The following LAMB1 variants were observed in gnomAD, a reference collection of about 807,000 sequenced individuals.
The protein encoded by LAMB1 is laminin subunit beta-1.
LAMB1 carries 121 observed loss-of-function variants against 222.3 expected under a neutral mutation model. The ratio of observed to expected loss-of-function variants is 0.54; its 90% confidence interval spans 0.47 to 0.63. LAMB1 has a LOEUF of 0.63. LAMB1 is among the 30% of genes least tolerant of loss of function. The pLI is 0.00. For missense variants in LAMB1, 2,172 were observed against 2,240.8 expected (o/e 0.97, Z 0.62); for synonymous variants, 794 against 807.2 (o/e 0.98, Z 0.28).
rs20556 is a variant in LAMB1, at chr7:107,953,544, T to A, written c.3065A>T (p.Gln1022Leu). Residue 1022 changes from glutamine (Q) to leucine (L), a missense_variant, in exon 22 of 34, where the codon CAG (glutamine) becomes CTG (leucine). Gln to Leu is a moderately radical substitution (Grantham distance 113, BLOSUM62 -2). Transcript: ENST00000222399. ...GTGCATCTTACTTCGACAGTCCTGCTGGAGGGCATCACCATAGTATCCAAA... is the reference window on the plus strand; with the variant it reads ...GTGCATCTTACTTCGACAGTCCTGCAGGAGGGCATCACCATAGTATCCAAA... ...CRFGYYGDAL[Q>L]QDCRKCVCNY... is the part of the protein sequence containing the mutation. The A allele has an allele frequency of 1.9e-6, 3 of 1,613,306 alleles. No homozygotes were observed. In the East Asian group the frequency reaches 6.7e-5, roughly 36 times the overall value.
chr7:107,965,494 G>A lies in LAMB1; in HGVS notation c.1563-807C>T, dbSNP rs186778135. 1.4e-4 allele frequency among the ~76,000 whole-genome samples: 22 copies of A among 152,194 alleles called. 1 individual carries two copies. Among genetic ancestry groups the A allele is most frequent in the East Asian group, 1.2e-3 (6 of 5,158 alleles). Reference sequence around the variant, plus strand: ...CTTGGGAGGCTGAGGCACGAGAATCGCTTGAACCCGGGAGGCAGAGGTTGA... The same window carrying A: ...CTTGGGAGGCTGAGGCACGAGAATCACTTGAACCCGGGAGGCAGAGGTTGA... On this transcript the variant is annotated intron_variant, in intron 13 of 33. Coordinates refer to ENST00000222399, the MANE Select transcript of LAMB1 (RefSeq NM_002291.3).
chr7:107,955,407 T>C, intron 21 of LAMB1, 60 bp downstream of exon 21: 1 of 1,436,806 alleles, frequency 7.0e-7, no homozygotes, highest in Non-Finnish European at 9.4e-7. Flanking sequence ...TCATTAACAA[T>C]GAACTCATAA....
intron 11 of LAMB1, 40 bp from the exon 12 acceptor site, chr7:107,975,138 G>T (rs758771908): frequency 6.6e-7 from 1 of 1,526,174 alleles, no homozygotes; most frequent in Non-Finnish European, 9.1e-7. Context: ...CACAGACCAC[G>T]TGAGTTTCAA....
chr7:107,960,875 T>G (rs2150428165), intron 17 of LAMB1, among the ~76,000 whole-genome samples: 1 of 152,340 alleles, frequency 6.6e-6, no homozygotes, highest in Middle Eastern at 3.4e-3. Flanking sequence ...TATTTTTATT[T>G]TAGAGATGGG....
chr7:107,937,276 T>C lies in LAMB1; in HGVS notation c.3763A>G (p.Lys1255Glu). 1.2e-6 allele frequency: 2 copies of C among 1,611,670 alleles called. No individual in the cohort carries two copies. Among genetic ancestry groups the C allele is most frequent in the Non-Finnish European group, 1.7e-6 (2 of 1,178,786 alleles). Residue 1255 changes from lysine to glutamate, a missense_variant and splice_region_variant, in exon 26 of 34, where the codon AAA becomes GAA. By Grantham distance (56) the Lys-to-Glu change is moderately conservative. Coordinates refer to ENST00000222399, the MANE Select transcript of LAMB1 (RefSeq NM_002291.3). ...ATTTCTGTAACATCTTTAATCAGTT[T>C]CCTGTAAAGAGAAAGTTAAGCTTAC... Reference protein sequence around the residue: ...NIGNLFEEAEKLIKDVTEMMA... With the variant: ...NIGNLFEEAEELIKDVTEMMA...
chr7:107,935,792 G>A (rs895998442), intron 26 of LAMB1, 136 bp from the exon 27 acceptor site: 2 of 1,000,222 alleles, frequency 2.0e-6, no homozygotes, highest in Admixed American at 5.2e-5. Context: ...TATTTATGAA[G>A]TACAGTTTTC....
chr7:107,979,016 A>G (rs1157583205), intron 8 of LAMB1, among the ~76,000 whole-genome samples: 1 of 152,216 alleles, frequency 6.6e-6, no homozygotes, highest in Admixed American at 6.5e-5. Context: ...TTAGCAGAAG[A>G]CTAAAGTCCT....
intron 4 of LAMB1, among the ~76,000 whole-genome samples, chr7:107,996,698 A>G (rs573224952): frequency 3.3e-5 from 5 of 152,348 alleles, no homozygotes; most frequent in African/African-American, 1.2e-4. Context: ...CTTTTGTCCC[A>G]GAGATTCAAA....
intron 11 of LAMB1, 38 bp from the exon 12 acceptor site, chr7:107,975,136 A>G (rs2033825465): frequency 1.3e-6 from 2 of 1,526,762 alleles, no homozygotes; most frequent in Non-Finnish European, 1.8e-6. Context: ...AACACAGACC[A>G]CGTGAGTTTC....
At chr7:107,948,860 G>A (rs2033183188) in intron 24 of LAMB1, among the ~76,000 whole-genome samples, 1 of 152,060 alleles carries the variant, frequency 6.6e-6, no homozygotes, top group African/African-American at 2.4e-5. Flanking sequence ...AAAGCCATGT[G>A]ATCTTTGTAG....
At position 107,935,748 on chromosome 7, in the gene LAMB1, A is replaced by T. The variant is rs937545036; in HGVS notation, c.3947-92T>A. On this transcript the variant is annotated intron_variant, in intron 26 of 33. Transcript: ENST00000222399. Reference sequence around the variant, plus strand: ...CTATATTTGGTGTCTTCGGGTCCTAAATTTACTGTAAAGTTTTAAAATTCA... The same window carrying T: ...CTATATTTGGTGTCTTCGGGTCCTATATTTACTGTAAAGTTTTAAAATTCA... 2.2e-5 allele frequency: 29 copies of T among 1,341,384 alleles called. No individual in the cohort carries two copies. The African/African-American group carries it at 4.0e-4, about 18-fold the overall frequency. 83.1% of individuals were successfully genotyped at this position (1,341,384 alleles called of 1,614,324 possible).
At chr7:107,985,632 A>C (rs979816389) in intron 7 of LAMB1, among the ~76,000 whole-genome samples, 3 of 150,544 alleles carry the variant, frequency 2.0e-5, no homozygotes, top group Non-Finnish European at 3.0e-5. Context: ...TCCATCTCAA[A>C]AAAACAAAAC....
At position 107,962,987 on chromosome 7, in the gene LAMB1, G is replaced by A. The variant is rs753005293; in HGVS notation, c.1775C>T (p.Pro592Leu). The A allele has an allele frequency of 2.3e-5, 37 of 1,613,862 alleles. No homozygotes were observed. The highest frequency in any genetic ancestry group is 3.3e-5 in the South Asian group (3 of 91,080). Residue 592 changes from proline (P) to leucine (L), a missense_variant, in exon 15 of 34, where the codon CCT (proline) becomes CTT (leucine). Coordinates refer to ENST00000222399, the MANE Select transcript of LAMB1 (RefSeq NM_002291.3). ...SWTGAGFVRV[P>L]EGAYLEFFID... ...GAAAAACTCCAAATAAGCCCCTTCA[G>A]GCACTCGGACGAAGCCGGCTCCAGT...
chr7:107,961,497 T>C (rs2150428713), intron 16 of LAMB1, 52 bp downstream of exon 16: 1 of 1,592,942 alleles, frequency 6.3e-7, no homozygotes, highest in South Asian at 1.1e-5. Context: ...ATTAGAAAAA[T>C]ACTAATTTGC....
Position 107,923,898 on chromosome 7 carries a change from T to A in LAMB1, c.*53A>T. The A allele has an allele frequency of 6.6e-7, 1 of 1,512,052 alleles. No individual in the cohort carries two copies. Among genetic ancestry groups the A allele is most frequent in the Non-Finnish European group, 9.0e-7 (1 of 1,116,856 alleles). 93.7% of individuals were successfully genotyped at this position (1,512,052 alleles called of 1,614,324 possible). On this transcript the variant is annotated 3_prime_UTR_variant, in exon 34 of 34. Coordinates refer to ENST00000222399, the MANE Select transcript of LAMB1 (RefSeq NM_002291.3). ...TTTTGAAGAGCATTAAGTCAGTTTT[T>A]AAAATGTAGTTGTTTTACCTTGTTC...
chr7:107,989,334 A>ACAGCTGACCT (rs1241970189), intron 5 of LAMB1, among the ~76,000 whole-genome samples: 1 of 152,210 alleles, frequency 6.6e-6, no homozygotes, highest in African/African-American at 2.4e-5. Context: ...CTGACCTAGA[A>ACAGCTGACCT]AACAGAACCT....
rs1348582002 is a variant in LAMB1 at position 107,964,480 on chromosome 7, T to TC, written c.1698+71_1698+72insG. ...TAAAAATGCTTCTGAAATGGGGTCT[T>TC]TACAAAGCATGTATGTTCCACTACA... is the stretch of plus-strand genomic sequence containing the variant. On this transcript the variant is annotated intron_variant, in intron 14 of 33. Transcript: ENST00000222399. The TC allele has an allele frequency of 2.1e-4, 325 of 1,576,326 alleles. 1 individual carries two copies. In the Middle Eastern group the frequency reaches 2.5e-3, roughly 12 times the overall value.
chr7:107,980,701 A>G lies in LAMB1; in HGVS notation c.787T>C (p.Tyr263His). ...CAATTTCCTCGAACCACCATATCAT[A>G]AACTGCATAATAATACTTTTCTCTG... The part of the protein sequence containing the change: ...EIREKYYYAV[Y>H]DMVVRGNCFC... Residue 263 changes from tyrosine to histidine, a missense_variant, in exon 8 of 34, where the codon TAT (tyrosine) becomes CAT (histidine). Physicochemically the swap from Tyr to His is moderately conservative, Grantham distance 83 (BLOSUM62 2). Transcript: ENST00000222399. The G allele has an allele frequency of 6.2e-7, 1 of 1,613,984 alleles. No homozygotes were observed. The highest frequency in any genetic ancestry group is 1.1e-5 in the South Asian group (1 of 91,080).
chr7:107,965,217 A>C (rs1584512985), intron 13 of LAMB1, among the ~76,000 whole-genome samples: 1 of 152,066 alleles, frequency 6.6e-6, no homozygotes, highest in South Asian at 2.1e-4. Flanking sequence ...TCAGGAACCA[A>C]ATTCTGTGAT....
Sources: gnomAD v4.1 joint callset for allele counts (sites outside exome capture counted in the v4.1 genomes callset) on GRCh38, gnomAD v4.1.1 for gene constraint, MANE v1.5 for transcripts, NCBI Gene and HGNC (gene_info 2026-07-23, HGNC 2026-07-21) for gene names.